The following RPS14 variants were observed in gnomAD, a reference collection of about 807,000 sequenced individuals.
The protein encoded by RPS14 is ribosomal protein S14, also known as small ribosomal subunit protein uS11.
A neutral mutation model predicts 15.4 loss-of-function variants in RPS14; 1 was observed. The observed-to-expected ratio is 0.07, with a 90% CI of 0.02 to 0.31. The LOEUF is 0.31. Among genes scored for constraint, RPS14 ranks in the 10% least tolerant of loss-of-function variants. The pLI is 1.00. For missense variants in RPS14, 69 were observed against 205.5 expected, an observed-to-expected ratio of 0.34 and a Z score of 4.06; for synonymous variants, 68 against 74.4, an observed-to-expected ratio of 0.91 and a Z score of 0.44.
In RPS14 at chr5:150,444,231, GA is replaced by G; in HGVS notation, c.*54del. ...TGATGAAGGAGAGAAGGCTGGAGTT[GA>G]AACAGTTTACATGAAGGCAATTTAT... On this transcript the variant is annotated 3_prime_UTR_variant, in exon 5 of 5. Coordinates refer to ENST00000407193, the MANE Select transcript of RPS14 (RefSeq NM_005617.4). 3.2e-6 allele frequency: 5 copies of G among 1,568,898 alleles called. No homozygotes were observed. The highest frequency in any genetic ancestry group is 4.3e-6 in the Non-Finnish European group (5 of 1,154,154).
chr5:150,445,927 C>CA (rs974390274), intron 3 of RPS14, among the ~76,000 whole-genome samples: 1 of 152,072 alleles, frequency 6.6e-6, no homozygotes, highest in African/African-American at 2.4e-5. Flanking sequence ...CCCATCTCTA[C>CA]AAAAATACAC....
intron 4 of RPS14, 185 bp downstream of exon 4, chr5:150,445,422 ATC>A (rs1561567405): frequency 1.4e-6 from 1 of 711,696 alleles, no homozygotes; most frequent in Non-Finnish European, 2.6e-6. Flanking sequence ...GGACATTCAT[ATC>A]AAGGTGACAG....
chr5:150,442,726 A>C lies in RPS14; in HGVS notation c.*1560T>G, dbSNP rs183666345. 7 of 151,282 alleles carry C rather than the reference A, an allele frequency of 4.6e-5. No homozygotes were observed. Among genetic ancestry groups the C allele is most frequent in the Non-Finnish European group, 1.0e-4 (7 of 68,016 alleles). The allele number at this position is 151,282 out of a possible 1,614,324, so 9.4% of individuals were successfully genotyped here. Reference sequence around the variant, plus strand: ...TTACTTATTTAGTTTTTGAGATAGGATCTTGCTCTGTGACCCAGGCTGAAT... The same window carrying C: ...TTACTTATTTAGTTTTTGAGATAGGCTCTTGCTCTGTGACCCAGGCTGAAT... On this transcript the variant is annotated 3_prime_UTR_variant, in exon 5 of 5. Transcript: ENST00000407193.
At chr5:150,447,277 G>T (rs1581277670) in intron 2 of RPS14, 1 of 524,774 alleles carries the variant, frequency 1.9e-6, no homozygotes, top group East Asian at 3.3e-5. Flanking sequence ...TTGCTAAATG[G>T]CCGTCGAACC....
Position 150,443,916 on chromosome 5 carries a change from GT to G in RPS14, c.*369del, listed in dbSNP as rs1375924125. On this transcript the variant is annotated 3_prime_UTR_variant, in exon 5 of 5. Transcript: ENST00000407193. ...GTGTGGGGGGAGAATGCACACCCAC[GT>G]GTGTTTATATATGGCATGGGTCTGG... 6.3e-6 allele frequency: 1 copy of G among 158,440 alleles called. No homozygotes were observed. The highest frequency in any genetic ancestry group is 2.4e-5 in the African/African-American group (1 of 41,484). 9.8% of individuals were successfully genotyped at this position (158,440 alleles called of 1,614,324 possible). A position where few individuals can be genotyped will look rare whatever the true frequency, so the allele number is the denominator to read the frequency against.
chr5:150,444,161 C>A lies in RPS14; in HGVS notation c.*125G>T. 1.4e-6 allele frequency: 2 copies of A among 1,433,416 alleles called. No homozygotes were observed. The highest frequency in any genetic ancestry group is 1.8e-6 in the Non-Finnish European group (2 of 1,083,538). 88.8% of individuals were successfully genotyped at this position (1,433,416 alleles called of 1,614,324 possible). ...CAGCTCTCCTCAGGCTCCTTTCTCCCAAGAAGCCAAATAGGAGGAAGAAAT... is the reference window on the plus strand; with the variant it reads ...CAGCTCTCCTCAGGCTCCTTTCTCCAAAGAAGCCAAATAGGAGGAAGAAAT... On this transcript the variant is annotated 3_prime_UTR_variant, in exon 5 of 5. Transcript: ENST00000407193.
intron 1 of RPS14, chr5:150,449,023 G>A (rs929144688): frequency 6.6e-6 from 1 of 152,186 alleles, no homozygotes. Flanking sequence ...TCGGCATGAT[G>A]GCCATTCAGT....
rs561156028 is a variant in RPS14 at position 150,442,921 on chromosome 5, C to T, written c.*1365G>A. On this transcript the variant is annotated 3_prime_UTR_variant, in exon 5 of 5. Transcript: ENST00000407193. ...CTGTGTTGCCCAGGCTGGTCTCAAACTCCTGGGCTCAATCCGTCCTCCTGT... is the reference window on the plus strand; with the variant it reads ...CTGTGTTGCCCAGGCTGGTCTCAAATTCCTGGGCTCAATCCGTCCTCCTGT... The T allele has an allele frequency of 1.3e-5, 2 of 152,382 alleles. No homozygotes were observed. Among genetic ancestry groups the T allele is most frequent in the Admixed American group, 6.5e-5 (1 of 15,292 alleles). 9.4% of individuals were successfully genotyped at this position (152,382 alleles called of 1,614,324 possible).
In RPS14 at chr5:150,443,162, C is replaced by T. The variant is rs1210062875; in HGVS notation, c.*1124G>A. On this transcript the variant is annotated 3_prime_UTR_variant, in exon 5 of 5. Coordinates refer to ENST00000407193, the MANE Select transcript of RPS14 (RefSeq NM_005617.4). ...AGTACTGTTATATTTTTTTTGCAAGCTTTTTTTTTTTATTATACTTTAAGT... is the reference window on the plus strand; with the variant it reads ...AGTACTGTTATATTTTTTTTGCAAGTTTTTTTTTTTTATTATACTTTAAGT... The T allele has an allele frequency of 1.4e-5, 2 of 147,454 alleles. No individual in the cohort carries two copies. The highest frequency in any genetic ancestry group is 5.0e-5 in the African/African-American group (2 of 40,214). The allele number at this position is 147,454 out of a possible 1,614,324, so 9.1% of individuals were successfully genotyped here.
At position 150,446,775 on chromosome 5, in the gene RPS14, C is replaced by A; in HGVS notation, c.311+27G>T. 1 of 1,605,144 alleles carries A rather than the reference C, an allele frequency of 6.2e-7. No homozygotes were observed. Among genetic ancestry groups the A allele is most frequent in the Admixed American group, 1.7e-5 (1 of 58,988 alleles). The stretch of plus-strand genomic sequence containing the variant: ...CCCAAGCCCAGCAGGTTTTCTACCA[C>A]CCAGCCATCCCCTCTGCGACTCGTA... On this transcript the variant is annotated intron_variant, in intron 3 of 4. Transcript: ENST00000407193. The surrounding 1 kb of genome is among the most constrained non-coding windows in gnomAD (Gnocchi z 4.2).
chr5:150,445,200 C>G (rs1314183879), intron 4 of RPS14, among the ~76,000 whole-genome samples: 1 of 152,080 alleles, frequency 6.6e-6, no homozygotes, highest in Non-Finnish European at 1.5e-5. Context: ...GAAGCTGGTA[C>G]CCCCCACTTC....
intron 4 of RPS14, 174 bp downstream of exon 4, chr5:150,445,435 A>C: frequency 1.4e-6 from 1 of 716,876 alleles, no homozygotes; most frequent in Non-Finnish European, 2.6e-6. Context: ...AAGGTGACAG[A>C]GATATTCAGG....
Position 150,443,825 on chromosome 5 carries a change from C to T in RPS14, c.*461G>A, listed in dbSNP as rs1771010096. 6.6e-6 allele frequency: 1 copy of T among 152,658 alleles called. No homozygotes were observed. The highest frequency in any genetic ancestry group is 2.4e-5 in the African/African-American group (1 of 41,442). The allele number at this position is 152,658 out of a possible 1,614,324, so 9.5% of individuals were successfully genotyped here. ...ACTTTATGTACTGATGTGGAACAATCTCCAAGATCTGCCAAGTGAAAAAAA... is the reference window on the plus strand; with the variant it reads ...ACTTTATGTACTGATGTGGAACAATTTCCAAGATCTGCCAAGTGAAAAAAA... On this transcript the variant is annotated 3_prime_UTR_variant, in exon 5 of 5. Coordinates refer to ENST00000407193, the MANE Select transcript of RPS14 (RefSeq NM_005617.4).
rs1770993787 is a variant in RPS14 at position 150,443,284 on chromosome 5, T to A, written c.*1002A>T. 1 of 152,028 alleles carries A rather than the reference T, an allele frequency of 6.6e-6. No homozygotes were observed. The highest frequency in any genetic ancestry group is 2.1e-4 in the South Asian group (1 of 4,822). The allele number at this position is 152,028 out of a possible 1,614,324, so 9.4% of individuals were successfully genotyped here. On this transcript the variant is annotated 3_prime_UTR_variant, in exon 5 of 5. Transcript: ENST00000407193. ...CATTAACTCGTCATTTAGCATTAGG[T>A]ATATCTCCTAATGCTATCCCTCCCG... is the stretch of plus-strand genomic sequence containing the variant.
intron 4 of RPS14, chr5:150,445,319 G>C: frequency 1.8e-6 from 1 of 556,696 alleles, no homozygotes; most frequent in South Asian, 1.8e-5. Flanking sequence ...AATGCTAATA[G>C]CAATGACCTC....
chr5:150,447,799 G>C, intron 1 of RPS14, 64 bp from the exon 2 acceptor site: 1 of 1,552,846 alleles, frequency 6.4e-7, no homozygotes, highest in Non-Finnish European at 8.8e-7. Flanking sequence ...CCTTTCCCCT[G>C]GCTATTAAAT....
rs1170340747 is a variant in RPS14, at chr5:150,446,327, C to T, written c.311+475G>A. Among the ~76,000 whole-genome samples, 1 of 152,166 alleles carries T rather than the reference C, an allele frequency of 6.6e-6. No homozygotes were observed. The highest frequency in any genetic ancestry group is 1.5e-5 in the Non-Finnish European group (1 of 68,030). ...CTTCACAGGTGCCCAGGTTCACCCC[C>T]ACCTCAAGACCTTTCCCTGCAGTTG... is the stretch of plus-strand genomic sequence containing the variant. On this transcript the variant is annotated intron_variant, in intron 3 of 4. Transcript: ENST00000407193. The surrounding 1 kb of genome is among the most constrained non-coding windows in gnomAD (Gnocchi z 4.2).
chr5:150,449,426 CGGCCGT>C (rs946106843), intron 1 of RPS14: 6 of 152,320 alleles, frequency 3.9e-5, no homozygotes, highest in Middle Eastern at 3.4e-3. Context: ...AGCTCAAACG[CGGCCGT>C]GGCCGTGGCC....
At chr5:150,444,602 A>T (rs1229895886) in intron 4 of RPS14, 2 of 663,310 alleles carry the variant, frequency 3.0e-6, no homozygotes, top group Non-Finnish European at 5.6e-6. Flanking sequence ...TCAGAGGCAC[A>T]GGACAAATCC....
Sources: gnomAD v4.1 joint callset for allele counts (sites outside exome capture counted in the v4.1 genomes callset) on GRCh38, gnomAD v4.1.1 for gene constraint, Gnocchi (gnomAD v3.1) non-coding constraint, MANE v1.5 for transcripts, NCBI Gene and HGNC (gene_info 2026-07-23, HGNC 2026-07-21) for gene names.